SLC27A5: variants seen among roughly 807,000 people sequenced by gnomAD.
SLC27A5 encodes long-chain fatty acid transport protein 5.
In SLC27A5, 47 loss-of-function variants were observed where a neutral mutation model predicts 63.1. That is an observed-to-expected ratio of 0.74 (90% CI 0.59 to 0.95). The LOEUF (loss-of-function observed/expected upper bound fraction) is 0.95. Among genes scored for constraint, SLC27A5 ranks in the 40% least tolerant of loss-of-function variants. The pLI, the probability that SLC27A5 is intolerant of heterozygous loss-of-function variation, is 0.00. For synonymous variants in SLC27A5, 391 were observed against 403.8 expected (o/e 0.97, Z 0.38); for missense variants, 940 against 921.0 (o/e 1.02, Z -0.27).
intron 3 of SLC27A5, among the ~76,000 whole-genome samples, chr19:58,502,436 G>A (rs1160606273): frequency 6.8e-6 from 1 of 147,840 alleles, no homozygotes; most frequent in Non-Finnish European, 1.5e-5. Context: ...GACAGTTAGA[G>A]TAGTGAGTGA....
At chr19:58,504,688 A>G (rs2053324430) in intron 3 of SLC27A5, among the ~76,000 whole-genome samples, 1 of 146,924 alleles carries the variant, frequency 6.8e-6, no homozygotes, top group African/African-American at 2.5e-5. Context: ...AAACAAACAA[A>G]AAAGAAACAG....
chr19:58,508,066 G>A (rs1293830990), intron 3 of SLC27A5: 1 of 152,112 alleles, frequency 6.6e-6, no homozygotes, highest in Non-Finnish European at 1.5e-5. Flanking sequence ...TGAAGCATGT[G>A]ATCTTTGTAC....
intron 6 of SLC27A5, 54 bp from the exon 7 acceptor site, chr19:58,499,744 C>A: frequency 1.3e-6 from 2 of 1,574,950 alleles, no homozygotes; most frequent in South Asian, 1.1e-5. Flanking sequence ...AAGCCCCCTG[C>A]TGGAGGTTTT....
Position 58,511,574 on chromosome 19 carries a change from G to C in SLC27A5, c.382C>G (p.Pro128Ala). Residue 128 changes from proline (P) to alanine (A), a missense_variant, in exon 1 of 10, where the codon CCT becomes GCT. Transcript: ENST00000263093. ...DAFERRARAQ[P>A]GRALLVWTGP... ...GTCCACACCAAGAGTGCCCTGCCAGGCTGCGCTCGTGCTCGCCGCTCGAAG... is the reference window on the plus strand; with the variant it reads ...GTCCACACCAAGAGTGCCCTGCCAGCCTGCGCTCGTGCTCGCCGCTCGAAG... 5.1e-6 allele frequency: 8 copies of C among 1,566,752 alleles called. No individual in the cohort carries two copies. Among genetic ancestry groups the C allele is most frequent in the South Asian group, 1.2e-5 (1 of 86,196 alleles).
intron 2 of SLC27A5, 26 bp from the exon 3 acceptor site, chr19:58,510,031 A>G (rs771838912): frequency 3.1e-6 from 5 of 1,607,368 alleles, no homozygotes; most frequent in Non-Finnish European, 4.2e-6. Flanking sequence ...TGGCAAGGGC[A>G]GGGTGGTGAC....
intron 3 of SLC27A5, among the ~76,000 whole-genome samples, chr19:58,505,747 C>G (rs1349910418): frequency 6.6e-6 from 1 of 150,762 alleles, no homozygotes; most frequent in Non-Finnish European, 1.5e-5. Context: ...ACTTGGGATG[C>G]TGAGGCAGGA....
At chr19:58,507,125 G>A (rs896525761) in intron 3 of SLC27A5, among the ~76,000 whole-genome samples, 1 of 151,964 alleles carries the variant, frequency 6.6e-6, no homozygotes, top group Admixed American at 6.6e-5. Flanking sequence ...TTGGGAGGCT[G>A]AGGTGGGTGG....
At chr19:58,509,752 G>A (rs374198077) in intron 3 of SLC27A5, 95 bp downstream of exon 3, 1 of 1,192,814 alleles carries the variant, frequency 8.4e-7, no homozygotes, top group Non-Finnish European at 1.2e-6. Context: ...ACAGGGTGCT[G>A]GGTAACCTAT....
rs772494992 is a variant in SLC27A5 at position 58,500,601 on chromosome 19, C to A, written c.1288G>T (p.Glu430Ter). 1 of 1,614,130 alleles carries A rather than the reference C, an allele frequency of 6.2e-7. No homozygotes were observed. ...TTGCCTTCTGTGGAGCCGTAGACTTCCCAGATCCGAATAGGACCGAAGCGC... is the reference window on the plus strand; with the variant it reads ...TTGCCTTCTGTGGAGCCGTAGACTTACCAGATCCGAATAGGACCGAAGCGC... Reference protein sequence around the residue: ...QQRFGPIRIWEVYGSTEGNMG... With the variant: ...QQRFGPIRIW The change falls in exon 5 of 10, where the codon GAA becomes TAA. Residue 430 changes from glutamate to a stop codon, truncating the protein, a stop_gained. Transcript: ENST00000263093. LOFTEE classifies it high-confidence loss of function.
intron 3 of SLC27A5, among the ~76,000 whole-genome samples, chr19:58,504,572 C>CCT (rs1433005975): frequency 1.3e-3 from 3 of 2,316 alleles, no homozygotes; most frequent in South Asian, 8.8e-3. Context: ...TGATTGAACC[C>CCT]TGGGGGGGGG....
chr19:58,499,629 G>A lies in SLC27A5; in HGVS notation c.1530C>T (p.Gly510=), dbSNP rs2053250729. 1.2e-6 allele frequency: 2 copies of A among 1,612,686 alleles called. No homozygotes were observed. The highest frequency in any genetic ancestry group is 1.7e-5 in the Admixed American group (1 of 59,990). ...GCTTCCGTTCCGACAGCTCTCGGGG[G>A]CCGCGGTAGCCCACGAAGGGTTGCT... is the stretch of plus-strand genomic sequence containing the variant. ...VSQQPFVGYR[G]PRELSERKLV... is the part of the protein sequence containing the mutation. The change falls in exon 7 of 10, where the codon GGC becomes GGT. Residue 510 remains glycine, a synonymous_variant. Coordinates refer to ENST00000263093, the MANE Select transcript of SLC27A5 (RefSeq NM_012254.3).
In SLC27A5 at chr19:58,499,669, G is replaced by A. The variant is rs1276757512; in HGVS notation, c.1490C>T (p.Thr497Ile). The A allele has an allele frequency of 3.7e-6, 6 of 1,611,866 alleles. No homozygotes were observed. Among genetic ancestry groups the A allele is most frequent in the Non-Finnish European group, 4.2e-6 (5 of 1,179,996 alleles). Residue 497 changes from threonine to isoleucine, a missense_variant, in exon 7 of 10, where the codon ACC becomes ATC. By Grantham distance (89) the Thr-to-Ile change is moderately conservative. Coordinates refer to ENST00000263093, the MANE Select transcript of SLC27A5 (RefSeq NM_012254.3). ...GAAGGGTTGCTGGCTTACCACCTTG[G>A]TCAGCAGCAGCCCCGGCTCCCCTGG... ...VGLGEPGLLLTKVVSQQPFVG... is the reference protein window; with the variant it reads ...VGLGEPGLLLIKVVSQQPFVG...
chr19:58,499,207 T>C lies in SLC27A5; in HGVS notation c.1681A>G (p.Asn561Asp). ...CCCTCCACCTCGTGCGTGGACACGT[T>C]CTCGCCCTTCCATCTGCAAGGAGGG... ...LGDTFRWKGE[N>D]VSTHEVEGVL... The change falls in exon 8 of 10, where the codon AAC becomes GAC. Residue 561 changes from asparagine (N) to aspartate (D), a missense_variant. Transcript: ENST00000263093. 6.2e-7 allele frequency: 1 copy of C among 1,613,738 alleles called. No individual in the cohort carries two copies. The highest frequency in any genetic ancestry group is 1.1e-5 in the South Asian group (1 of 91,080).
chr19:58,500,865 G>A (rs2053266844), intron 4 of SLC27A5, 159 bp from the exon 5 acceptor site: 2 of 1,434,168 alleles, frequency 1.4e-6, no homozygotes, highest in Non-Finnish European at 1.8e-6. Flanking sequence ...TTACTTACAT[G>A]AGAGTAGTTA....
At chr19:58,500,245 C>T in intron 6 of SLC27A5, 94 bp downstream of exon 6, 2 of 1,069,618 alleles carry the variant, frequency 1.9e-6, no homozygotes, top group Non-Finnish European at 2.8e-6. Context: ...CTAGTGAGCA[C>T]CAACGTCAAG....
At chr19:58,509,654 T>C in intron 3 of SLC27A5, 193 bp downstream of exon 3, 1 of 512,046 alleles carries the variant, frequency 2.0e-6, no homozygotes, top group Non-Finnish European at 3.4e-6. Flanking sequence ...GACCAAAGCA[T>C]GGCCATCAGG....
chr19:58,498,441 A>C lies in SLC27A5; in HGVS notation c.*74T>G, dbSNP rs2053233305. 9.5e-6 allele frequency: 14 copies of C among 1,466,928 alleles called. No homozygotes were observed. Among genetic ancestry groups the C allele is most frequent in the Non-Finnish European group, 1.3e-5 (14 of 1,086,196 alleles). 90.9% of individuals were successfully genotyped at this position (1,466,928 alleles called of 1,614,324 possible). On this transcript the variant is annotated 3_prime_UTR_variant, in exon 10 of 10. Transcript: ENST00000263093. ...AGGCTGGGATTCACACAGGCCCAGGATGAAAGGGACACCGAGTGTGTTGGG... is the reference window on the plus strand; with the variant it reads ...AGGCTGGGATTCACACAGGCCCAGGCTGAAAGGGACACCGAGTGTGTTGGG...
At chr19:58,506,889 G>A (rs541876057) in intron 3 of SLC27A5, among the ~76,000 whole-genome samples, 10 of 151,672 alleles carry the variant, frequency 6.6e-5, no homozygotes, top group East Asian at 3.9e-4. Flanking sequence ...GATTACAGGC[G>A]TGAGCCACCA....
chr19:58,506,828 C>T (rs2053353185), intron 3 of SLC27A5, among the ~76,000 whole-genome samples: 1 of 151,790 alleles, frequency 6.6e-6, no homozygotes, highest in Admixed American at 6.6e-5. Context: ...AGGCTGGTCT[C>T]AAACTCCTGA....
Sources: allele counts gnomAD v4.1 joint callset (sites outside exome capture counted in the v4.1 genomes callset), GRCh38; gene constraint gnomAD v4.1.1; transcripts MANE v1.5; gene names NCBI Gene and HGNC (gene_info 2026-07-23, HGNC 2026-07-21).